Variants in TET1 observed in about 807,000 individuals in gnomAD.
TET1 encodes the protein methylcytosine dioxygenase TET1.
TET1 carries 13 observed loss-of-function variants against 148.7 expected under a neutral mutation model. That is an observed-to-expected ratio of 0.09 (90% CI 0.06 to 0.14). The LOEUF (loss-of-function observed/expected upper bound fraction) is 0.14. Ranked by LOEUF, TET1 falls within the 10% of genes least tolerant of loss-of-function variation. The pLI is 1.00. For synonymous variants in TET1, 907 were observed against 937.2 expected, an observed-to-expected ratio of 0.97 and a Z score of 0.59; for missense variants, 2,182 against 2,553.8, an observed-to-expected ratio of 0.85 and a Z score of 3.14.
Position 68,646,171 on chromosome 10 carries a change from A to C in TET1, c.3442A>C (p.Lys1148Gln), listed in dbSNP as rs763939594. Residue 1148 changes from lysine (K) to glutamine (Q), a missense_variant, in exon 4 of 12, where the codon AAA becomes CAA. Coordinates refer to ENST00000373644, the MANE Select transcript of TET1 (RefSeq NM_030625.3). ...AACAAAACAAAAGAACCCAACCCAG[A>C]AAAAGACAAAATCCACCCCATCAAG... ...SLTKQKNPTQ[K>Q]KTKSTPSRDR... The C allele has an allele frequency of 6.2e-7, 1 of 1,613,250 alleles. No individual in the cohort carries two copies. The highest frequency in any genetic ancestry group is 2.2e-5 in the East Asian group (1 of 44,892).
intron 3 of TET1, among the ~76,000 whole-genome samples, chr10:68,629,758 G>A (rs148231897): frequency 0.014 from 2,137 of 152,032 alleles, 51 homozygotes; most frequent in African/African-American, 0.049. Flanking sequence ...GGATGGTCTC[G>A]ATCTCCTGAT....
At chr10:68,565,214 C>A (rs2053592937) in intron 1 of TET1, among the ~76,000 whole-genome samples, 1 of 152,022 alleles carries the variant, frequency 6.6e-6, no homozygotes, top group Non-Finnish European at 1.5e-5. Context: ...TGGTGGCCCA[C>A]ACCTGTAGTC....
rs2053686705 is a variant in TET1 at position 68,572,889 on chromosome 10, A to G, written c.551A>G (p.Lys184Arg). ...CAAAATCCCTCTTTACTTAAAGGTA[A>G]GAGCCAAGAGACAACTCAGTTTTGG... ...GVQNPSLLKG[K>R]SQETTQFWSQ... The change falls in exon 2 of 12, where the codon AAG becomes AGG. Residue 184 changes from lysine (K) to arginine (R), a missense_variant. By Grantham distance (26) the Lys-to-Arg change is conservative. Transcript: ENST00000373644. 1 of 1,614,190 alleles carries G rather than the reference A, an allele frequency of 6.2e-7. No homozygotes were observed. Among genetic ancestry groups the G allele is most frequent in the African/African-American group, 1.3e-5 (1 of 75,042 alleles).
intron 10 of TET1, among the ~76,000 whole-genome samples, chr10:68,685,060 G>C (rs2055490963): frequency 6.6e-6 from 1 of 151,914 alleles, no homozygotes. Flanking sequence ...CTTGAGTGTA[G>C]CCTGGGCAAC....
At chr10:68,582,098 A>ATTT (rs111735904) in intron 2 of TET1, among the ~76,000 whole-genome samples, 1 of 102,560 alleles carries the variant, frequency 9.8e-6, no homozygotes, top group Non-Finnish European at 2.2e-5. Flanking sequence ...AGATGACACT[A>ATTT]TTTTTTTTTT....
At chr10:68,625,460 G>A (rs1409925766) in intron 3 of TET1, among the ~76,000 whole-genome samples, 1 of 152,182 alleles carries the variant, frequency 6.6e-6, no homozygotes, top group East Asian at 1.9e-4. Flanking sequence ...AGGCATCAAA[G>A]TCGCTTAAAA....
chr10:68,667,974 GT>G, intron 7 of TET1, among the ~76,000 whole-genome samples: 1 of 152,286 alleles, frequency 6.6e-6, no homozygotes, highest in East Asian at 1.9e-4. Flanking sequence ...GCAAATGTGA[GT>G]TTTTGCCTAT....
At chr10:68,579,556 A>G (rs972818212) in intron 2 of TET1, among the ~76,000 whole-genome samples, 6 of 152,272 alleles carry the variant, frequency 3.9e-5, no homozygotes, top group Non-Finnish European at 8.8e-5. Flanking sequence ...AGGAAGCTGA[A>G]TAACAAGCTC....
chr10:68,678,216 A>G (rs942602807), intron 8 of TET1, among the ~76,000 whole-genome samples: 2 of 152,194 alleles, frequency 1.3e-5, no homozygotes, highest in South Asian at 2.1e-4. Context: ...GGAGGGGATA[A>G]TGGTCACTTA....
intron 9 of TET1, 114 bp downstream of exon 9, chr10:68,681,602 C>G (rs2055434922): frequency 1.7e-6 from 1 of 598,232 alleles, no homozygotes; most frequent in South Asian, 2.4e-5. Context: ...CTCCTAAGCT[C>G]AAGCAATGCT....
chr10:68,591,671 G>A (rs1190763801), intron 2 of TET1, among the ~76,000 whole-genome samples: 1 of 152,148 alleles, frequency 6.6e-6, no homozygotes, highest in Non-Finnish European at 1.5e-5. Flanking sequence ...GGATGACCGA[G>A]GTGGGTGGAT....
At chr10:68,576,916 A>ATT (rs149710241) in intron 2 of TET1, among the ~76,000 whole-genome samples, 49 of 143,752 alleles carry the variant, frequency 3.4e-4, no homozygotes, top group Middle Eastern at 3.6e-3. Context: ...TAATTTTTGT[A>ATT]TTTTTTTTTT....
chr10:68,628,848 G>T (rs937899730), intron 3 of TET1, among the ~76,000 whole-genome samples: 1 of 152,192 alleles, frequency 6.6e-6, no homozygotes, highest in Non-Finnish European at 1.5e-5. Context: ...TTGATGTTTA[G>T]CAGGTGCAGA....
At chr10:68,630,977 G>C (rs1250137994) in intron 3 of TET1, among the ~76,000 whole-genome samples, 1 of 152,168 alleles carries the variant, frequency 6.6e-6, no homozygotes, top group African/African-American at 2.4e-5. Context: ...AGGAGTTTGA[G>C]ACCAGCGTGG....
rs2055078175 is a variant in TET1 at position 68,659,697 on chromosome 10, AGTTT to A, written c.4461+7108_4461+7111del. 5.9e-5 allele frequency among the ~76,000 whole-genome samples: 9 copies of A among 152,220 alleles called. No homozygotes were observed. The South Asian group carries it at 1.9e-3, about 32-fold the overall frequency. Reference sequence around the variant, plus strand: ...GTACCATTAGTACTCTTTTTATGTTAGTTTGTTTACTTGCTTATAGAGTTCATTT... The same window carrying A: ...GTACCATTAGTACTCTTTTTATGTTAGTTTACTTGCTTATAGAGTTCATTT... On this transcript the variant is annotated intron_variant, in intron 6 of 11. Coordinates refer to ENST00000373644, the MANE Select transcript of TET1 (RefSeq NM_030625.3).
intron 3 of TET1, 45 bp downstream of exon 3, chr10:68,601,079 C>G (rs1286988447): frequency 1.3e-6 from 2 of 1,531,120 alleles, no homozygotes; most frequent in Admixed American, 4.1e-5. Context: ...TTTTCCATTT[C>G]ATATAGTATT....
chr10:68,601,361 G>A (rs943505212), intron 3 of TET1, among the ~76,000 whole-genome samples: 1 of 152,148 alleles, frequency 6.6e-6, no homozygotes, highest in Admixed American at 6.5e-5. Flanking sequence ...GTAAACTTAA[G>A]CCCTTTAGAA....
chr10:68,621,872 T>C (rs1432090035), intron 3 of TET1, among the ~76,000 whole-genome samples: 1 of 152,080 alleles, frequency 6.6e-6, no homozygotes, highest in Non-Finnish European at 1.5e-5. Flanking sequence ...AGAAAAAGGG[T>C]CTTGGGAACA....
Position 68,583,061 on chromosome 10 carries a change from C to T in TET1, c.1914+8809C>T, listed in dbSNP as rs1739381842. Among the ~76,000 whole-genome samples, 5 of 152,182 alleles carry T rather than the reference C, an allele frequency of 3.3e-5. No homozygotes were observed. In the South Asian group the frequency reaches 1.0e-3, roughly 32 times the overall value. On this transcript the variant is annotated intron_variant, in intron 2 of 11. Coordinates refer to ENST00000373644, the MANE Select transcript of TET1 (RefSeq NM_030625.3). ...GTCATTTCGTATGTGTTATCTTTTC[C>T]AGGAAGAAAAATTTGTAAAACTGGC...
Sources: allele counts gnomAD v4.1 joint callset (sites outside exome capture counted in the v4.1 genomes callset), GRCh38; gene constraint gnomAD v4.1.1; transcripts MANE v1.5; gene names NCBI Gene and HGNC (gene_info 2026-07-23, HGNC 2026-07-21).